The following GADL1 variants were observed in gnomAD, a reference collection of about 807,000 sequenced individuals.
GADL1 encodes the protein acidic amino acid decarboxylase GADL1.
Under a neutral mutation model 69.5 loss-of-function variants are expected in GADL1, and 71 were observed. The ratio of observed to expected loss-of-function variants is 1.02; its 90% CI spans 0.84 to 1.25. The LOEUF is 1.25. Among genes scored for constraint, GADL1 ranks in the 50% most tolerant of loss-of-function variants. The pLI, the probability that GADL1 is intolerant of heterozygous loss-of-function variation, is 0.00. For missense variants in GADL1, 737 were observed against 631.8 expected (o/e 1.17, Z -1.79); for synonymous variants, 254 against 214.4 (o/e 1.18, Z -1.62).
chr3:30,753,898 T>C (rs983167465), intron 14 of GADL1, among the ~76,000 whole-genome samples: 15 of 152,208 alleles, frequency 9.9e-5, no homozygotes, highest in Non-Finnish European at 2.9e-5. Context: ...ATGAGGTAAC[T>C]AGACCATTGA....
intron 14 of GADL1, among the ~76,000 whole-genome samples, chr3:30,746,250 C>T (rs1437941306): frequency 6.6e-6 from 1 of 152,122 alleles, no homozygotes; most frequent in Non-Finnish European, 1.5e-5. Context: ...GCCACAGCCT[C>T]CCAAAGTGCT....
At chr3:30,829,082 A>T (rs891733066) in intron 11 of GADL1, among the ~76,000 whole-genome samples, 1 of 151,976 alleles carries the variant, frequency 6.6e-6, no homozygotes, top group African/African-American at 2.4e-5. Flanking sequence ...TTCTTAGAAT[A>T]TATTGCCTTT....
chr3:30,872,846 C>T (rs902971246), intron 1 of GADL1, among the ~76,000 whole-genome samples: 4 of 151,900 alleles, frequency 2.6e-5, no homozygotes, highest in Non-Finnish European at 5.9e-5. Flanking sequence ...AGCTTGGATT[C>T]TGTAGCCATT....
At chr3:30,835,786 G>A (rs1300417216) in intron 9 of GADL1, among the ~76,000 whole-genome samples, 1 of 152,016 alleles carries the variant, frequency 6.6e-6, no homozygotes, top group East Asian at 1.9e-4. Context: ...CAAGGGTGTT[G>A]GGTGTTCAAA....
chr3:30,785,395 T>TTTTTC (rs1553638920), intron 13 of GADL1, among the ~76,000 whole-genome samples: 49 of 149,758 alleles, frequency 3.3e-4, no homozygotes, highest in African/African-American at 1.2e-3. Context: ...TTTTTTTTTT[T>TTTTTC]CCCCCCGAGA....
At chr3:30,736,725 T>A (rs777966133) in intron 14 of GADL1, among the ~76,000 whole-genome samples, 5 of 152,176 alleles carry the variant, frequency 3.3e-5, no homozygotes, top group Non-Finnish European at 7.4e-5. Context: ...TCCATTTAAG[T>A]TCCAGGATTT....
intron 14 of GADL1, among the ~76,000 whole-genome samples, chr3:30,746,345 A>G (rs1237898357): frequency 3.3e-5 from 5 of 152,212 alleles, no homozygotes; most frequent in Admixed American, 2.0e-4. Context: ...CACTCACTGC[A>G]GACCTACTGA....
intron 14 of GADL1, among the ~76,000 whole-genome samples, chr3:30,734,872 C>T (rs1248282741): frequency 1.3e-5 from 2 of 152,148 alleles, no homozygotes; most frequent in Non-Finnish European, 2.9e-5. Context: ...GTCAATTTTG[C>T]TCCCCATTAA....
intron 12 of GADL1, among the ~76,000 whole-genome samples, chr3:30,794,803 G>A (rs1696995637): frequency 6.6e-6 from 1 of 152,176 alleles, no homozygotes. Context: ...AGGGCTATCT[G>A]ATCGGTGCAG....
At position 30,728,346 on chromosome 3, in the gene GADL1, C is replaced by T; in HGVS notation, c.1462G>A (p.Gly488Arg). Residue 488 changes from glycine to arginine, a missense_variant, in exon 15 of 15, where the codon GGA becomes AGA. By Grantham distance (125) the Gly-to-Arg change is moderately radical. Transcript: ENST00000282538. ...ACCTGGCGGAAGAAGTTGACCTTTCCCCGGTGCGGCTGGTAGCCCAGCATC... is the reference window on the plus strand; with the variant it reads ...ACCTGGCGGAAGAAGTTGACCTTTCTCCGGTGCGGCTGGTAGCCCAGCATC... The part of the protein sequence containing the change: ...SLMLGYQPHR[G>R]KVNFFRQVVI... 1 of 1,613,870 alleles carries T rather than the reference C, an allele frequency of 6.2e-7. No individual in the cohort carries two copies. The highest frequency in any genetic ancestry group is 1.1e-5 in the South Asian group (1 of 91,074).
intron 14 of GADL1, among the ~76,000 whole-genome samples, chr3:30,734,133 A>G (rs1306530136): frequency 6.6e-6 from 1 of 152,226 alleles, no homozygotes; most frequent in East Asian, 1.9e-4. Flanking sequence ...ATTTATCTCC[A>G]TAACTAAAGC....
intron 14 of GADL1, among the ~76,000 whole-genome samples, chr3:30,757,700 A>T (rs1696011080): frequency 6.6e-6 from 1 of 152,190 alleles, no homozygotes; most frequent in Admixed American, 6.5e-5. Flanking sequence ...GGATTAGTAG[A>T]TCAGATTCAC....
At chr3:30,806,894 T>A (rs1331144792) in intron 11 of GADL1, among the ~76,000 whole-genome samples, 1 of 152,220 alleles carries the variant, frequency 6.6e-6, no homozygotes, top group Non-Finnish European at 1.5e-5. Flanking sequence ...AGTGATGGAA[T>A]CTTCCAAGGC....
intron 14 of GADL1, among the ~76,000 whole-genome samples, chr3:30,767,314 G>T (rs1696305039): frequency 6.6e-6 from 1 of 152,066 alleles, no homozygotes; most frequent in South Asian, 2.1e-4. Context: ...AAATATTAAA[G>T]AATGCTATTT....
At chr3:30,747,489 G>A (rs1421988796) in intron 14 of GADL1, among the ~76,000 whole-genome samples, 1 of 152,162 alleles carries the variant, frequency 6.6e-6, no homozygotes, top group Non-Finnish European at 1.5e-5. Context: ...AGCAATTTTG[G>A]TAAAGGATAA....
At chr3:30,823,862 G>C (rs537305445) in intron 11 of GADL1, among the ~76,000 whole-genome samples, 1 of 152,032 alleles carries the variant, frequency 6.6e-6, no homozygotes, top group South Asian at 2.1e-4. Context: ...ACTTGAGATG[G>C]CTTTCGCAGC....
intron 11 of GADL1, among the ~76,000 whole-genome samples, chr3:30,821,320 A>T (rs976644227): frequency 1.3e-5 from 2 of 151,142 alleles, no homozygotes; most frequent in African/African-American, 2.5e-5. Flanking sequence ...CCTAAAACTT[A>T]AAGTATAATA....
intron 1 of GADL1, among the ~76,000 whole-genome samples, chr3:30,881,334 T>C: frequency 6.6e-6 from 1 of 151,966 alleles, no homozygotes; most frequent in South Asian, 2.1e-4. Context: ...AAGTAACAGA[T>C]ACTTAAACTC....
intron 9 of GADL1, among the ~76,000 whole-genome samples, chr3:30,836,750 A>G (rs935739573): frequency 1.1e-5 from 1 of 88,516 alleles, no homozygotes; most frequent in Non-Finnish European, 2.2e-5. Flanking sequence ...GAGAATAGGA[A>G]GCTTTGTTGG....
Sources: allele counts gnomAD v4.1 joint callset (sites outside exome capture counted in the v4.1 genomes callset), GRCh38; gene constraint gnomAD v4.1.1; transcripts MANE v1.5; gene names NCBI Gene and HGNC (gene_info 2026-07-23, HGNC 2026-07-21).